PCDHA8: variants seen among roughly 807,000 people sequenced by gnomAD.
PCDHA8 encodes the protein protocadherin alpha-8.
In PCDHA8, 53 loss-of-function variants were observed where a neutral mutation model predicts 61.8. The ratio of observed to expected loss-of-function variants is 0.86; its 90% CI spans 0.69 to 1.08. The LOEUF is 1.08. PCDHA8 is among the 50% of genes least tolerant of loss of function. PCDHA8 has a pLI of 0.00. For synonymous variants in PCDHA8, 618 were observed against 556.6 expected (o/e 1.11, Z -1.55); for missense variants, 1,293 against 1,245.0 (o/e 1.04, Z -0.58).
At chr5:140,969,513 A>G (rs2096339726) in intron 1 of PCDHA8, 1 of 1,417,106 alleles carries the variant, frequency 7.1e-7, no homozygotes, top group Non-Finnish European at 9.4e-7. Context: ...ATAGCACTAA[A>G]GAATTGTTTT....
intron 1 of PCDHA8, among the ~76,000 whole-genome samples, chr5:140,962,962 A>G (rs1273558602): frequency 1.3e-5 from 2 of 152,194 alleles, no homozygotes; most frequent in South Asian, 2.1e-4. Flanking sequence ...CTATCCCTAT[A>G]TAGGAAATTT....
At chr5:140,848,190 T>C in intron 1 of PCDHA8, 1 of 291,738 alleles carries the variant, frequency 3.4e-6, no homozygotes, top group South Asian at 6.2e-5. Flanking sequence ...CGGGATCTTC[T>C]GTTTCAACAA....
intron 1 of PCDHA8, among the ~76,000 whole-genome samples, chr5:140,918,244 T>A (rs1554198493): frequency 6.6e-6 from 1 of 152,236 alleles, no homozygotes; most frequent in Non-Finnish European, 1.5e-5. Context: ...TGATTTTGTA[T>A]GCTGAAACTT....
At chr5:140,875,278 T>A in intron 1 of PCDHA8, 1 of 1,326,774 alleles carries the variant, frequency 7.5e-7, no homozygotes, top group Non-Finnish European at 9.9e-7. Context: ...ACTCAGAAGG[T>A]GAAACAGGAA....
chr5:140,856,635 G>A (rs1341590061), intron 1 of PCDHA8: 5 of 1,597,884 alleles, frequency 3.1e-6, no homozygotes, highest in South Asian at 1.1e-5. Context: ...CTTGTTCTGC[G>A]GAAGCTGCTG....
intron 3 of PCDHA8, among the ~76,000 whole-genome samples, chr5:140,983,853 A>T (rs1447321377): frequency 6.6e-6 from 1 of 152,230 alleles, no homozygotes; most frequent in African/African-American, 2.4e-5. Context: ...ATTAAGTAAC[A>T]TGCAGCTAAG....
At chr5:140,995,837 C>T (rs1554254841) in intron 3 of PCDHA8, among the ~76,000 whole-genome samples, 2 of 152,158 alleles carry the variant, frequency 1.3e-5, no homozygotes, top group Non-Finnish European at 2.9e-5. Context: ...TGCACAGTGC[C>T]TCACATTTCT....
At chr5:140,941,973 C>T (rs1249999637) in intron 1 of PCDHA8, among the ~76,000 whole-genome samples, 4 of 152,068 alleles carry the variant, frequency 2.6e-5, no homozygotes, top group Admixed American at 1.3e-4. Context: ...TTTACTTTCC[C>T]TAAACCTTGA....
At chr5:140,877,864 A>ATATT in intron 1 of PCDHA8, 1 of 1,500,280 alleles carries the variant, frequency 6.7e-7, no homozygotes, top group East Asian at 2.4e-5. Flanking sequence ...TTATTTAGAT[A>ATATT]TATTTGTTTC....
chr5:140,866,915 A>T (rs1413291718), intron 1 of PCDHA8: 1 of 152,138 alleles, frequency 6.6e-6, no homozygotes, highest in African/African-American at 2.4e-5. Flanking sequence ...CTCAAAGATG[A>T]GTTCAAAGGG....
At position 140,856,052 on chromosome 5, in the gene PCDHA8, G is replaced by A. The variant is rs782444703; in HGVS notation, c.2394+12337G>A. 5.7e-6 allele frequency: 9 copies of A among 1,585,062 alleles called. 1 individual carries two copies. Among genetic ancestry groups the A allele is most frequent in the African/African-American group, 5.4e-5 (4 of 73,974 alleles). On this transcript the variant is annotated intron_variant, in intron 1 of 3. Coordinates refer to ENST00000531613, the MANE Select transcript of PCDHA8 (RefSeq NM_018911.3). The stretch of plus-strand genomic sequence containing the variant: ...TGTAAAACAAGAGAAGGATAAGATG[G>A]TTTCCAGATGTAGCTGCCTGGGGGT...
intron 1 of PCDHA8, chr5:140,968,207 A>C: frequency 6.2e-7 from 1 of 1,614,000 alleles, no homozygotes; most frequent in Non-Finnish European, 8.5e-7. Context: ...CATACAGGAG[A>C]ACAATTTGCC....
chr5:140,980,963 A>T (rs1047334103), intron 2 of PCDHA8, among the ~76,000 whole-genome samples: 8 of 152,224 alleles, frequency 5.3e-5, no homozygotes, highest in African/African-American at 1.9e-4. Context: ...TTACACCTTC[A>T]TGAATCTGAC....
At chr5:140,929,217 C>T (rs1183459158) in intron 1 of PCDHA8, 1 of 1,614,016 alleles carries the variant, frequency 6.2e-7, no homozygotes, top group Non-Finnish European at 8.5e-7. Flanking sequence ...GTGGGGAGTA[C>T]AATGCTGCCG....
intron 1 of PCDHA8, chr5:140,884,056 G>C (rs782776341): frequency 6.2e-7 from 1 of 1,613,476 alleles, no homozygotes; most frequent in African/African-American, 1.3e-5. Context: ...AGGTGCGCGC[G>C]GTGGACGCCG....
chr5:140,874,745 A>G (rs2055087824), intron 1 of PCDHA8, among the ~76,000 whole-genome samples: 2 of 152,242 alleles, frequency 1.3e-5, no homozygotes, highest in African/African-American at 4.8e-5. Flanking sequence ...GCATCAAGGA[A>G]CCAAACAATA....
intron 1 of PCDHA8, among the ~76,000 whole-genome samples, chr5:140,897,430 C>T (rs1297820601): frequency 6.7e-6 from 1 of 148,618 alleles, no homozygotes; most frequent in Non-Finnish European, 1.5e-5. Context: ...TGAGTGAGAA[C>T]ATGCAGTGTT....
intron 1 of PCDHA8, among the ~76,000 whole-genome samples, chr5:140,886,264 A>G (rs1471846282): frequency 6.6e-6 from 1 of 151,982 alleles, no homozygotes; most frequent in Non-Finnish European, 1.5e-5. Context: ...CTATTTATAG[A>G]TAAAATTTTT....
intron 3 of PCDHA8, among the ~76,000 whole-genome samples, chr5:141,006,206 AT>A (rs1178693799): frequency 1.4e-5 from 2 of 147,854 alleles, no homozygotes. Flanking sequence ...GTTATGCCTC[AT>A]TTTTTTTTAA....
Sources: allele counts gnomAD v4.1 joint callset (sites outside exome capture counted in the v4.1 genomes callset), GRCh38; gene constraint gnomAD v4.1.1; transcripts MANE v1.5; gene names NCBI Gene and HGNC (gene_info 2026-07-23, HGNC 2026-07-21).